Variants in RPL22 observed in about 807,000 individuals in gnomAD.
RPL22 encodes the protein ribosomal protein L22, also known as large ribosomal subunit protein eL22.
RPL22 carries 4 observed loss-of-function variants against 16.2 expected under a neutral mutation model. That is an observed-to-expected ratio of 0.25 (90% confidence interval 0.12 to 0.57). RPL22 has a LOEUF of 0.57. Ranked by LOEUF, RPL22 falls within the 20% of genes least tolerant of loss-of-function variation. The pLI, the probability that RPL22 is intolerant of heterozygous loss-of-function variation, is 0.92. For missense variants in RPL22, 83 were observed against 156.1 expected, an observed-to-expected ratio of 0.53 and a Z score of 2.49; for synonymous variants, 43 against 54.8, an observed-to-expected ratio of 0.78 and a Z score of 0.95.
chr1:6,189,086 T>G (rs941900951), intron 3 of RPL22, among the ~76,000 whole-genome samples: 1 of 152,062 alleles, frequency 6.6e-6, no homozygotes, highest in African/African-American at 2.4e-5. Context: ...GCGCTCAGCA[T>G]GGATCCCTGG....
rs962700975 is a variant in RPL22, at chr1:6,185,262, C to T, written c.*1410G>A. The T allele has an allele frequency of 3.3e-5, 13 of 398,738 alleles. No homozygotes were observed. Among genetic ancestry groups the T allele is most frequent in the African/African-American group, 2.3e-4 (11 of 48,622 alleles). 24.7% of individuals were successfully genotyped at this position (398,738 alleles called of 1,614,324 possible). On this transcript the variant is annotated 3_prime_UTR_variant, in exon 4 of 4. Transcript: ENST00000234875. ...CAATGCAACAAGTAGAATTTGTAAACTCAAGCCACAAACTTAGTTAATAAT... is the reference window on the plus strand; with the variant it reads ...CAATGCAACAAGTAGAATTTGTAAATTCAAGCCACAAACTTAGTTAATAAT...
intron 2 of RPL22, among the ~76,000 whole-genome samples, chr1:6,196,737 T>C (rs1667722465): frequency 6.6e-6 from 1 of 150,746 alleles, no homozygotes; most frequent in Admixed American, 6.6e-5. Context: ...TATTGGGGAA[T>C]GGGCCAAATA....
intron 3 of RPL22, among the ~76,000 whole-genome samples, chr1:6,189,254 A>ACC (rs1557572687): frequency 6.6e-6 from 1 of 152,222 alleles, no homozygotes; most frequent in African/African-American, 2.4e-5. Context: ...CAATCGCCAC[A>ACC]AAGTGTGAAG....
intron 3 of RPL22, 150 bp downstream of exon 3, chr1:6,192,780 G>T: frequency 1.1e-6 from 1 of 877,314 alleles, no homozygotes; most frequent in East Asian, 2.5e-5. Flanking sequence ...AACCATAATA[G>T]CATTCATCCA....
chr1:6,196,602 C>G lies in RPL22; in HGVS notation c.117+1050G>C, dbSNP rs115731358. Among the ~76,000 whole-genome samples the G allele has an allele frequency of 8.3e-3, 1,261 of 152,152 alleles. 21 individuals are homozygous for G. The highest frequency in any genetic ancestry group is 0.029 in the African/African-American group (1,199 of 41,492). ...TTTAGGAGACTTCTACACACAAATACGAAGTCTGAATCCCCCAAACATGGC... is the reference window on the plus strand; with the variant it reads ...TTTAGGAGACTTCTACACACAAATAGGAAGTCTGAATCCCCCAAACATGGC... On this transcript the variant is annotated intron_variant, in intron 2 of 3. Transcript: ENST00000234875.
intron 2 of RPL22, among the ~76,000 whole-genome samples, chr1:6,195,600 A>C (rs1667705866): frequency 6.6e-6 from 1 of 151,640 alleles, no homozygotes; most frequent in African/African-American, 2.4e-5. Context: ...AAAAATACAC[A>C]AATTAGGTGG....
At chr1:6,199,505 T>TCGGCC (rs1444545431) in intron 1 of RPL22, 57 bp downstream of exon 1, 2 of 1,544,478 alleles carry the variant, frequency 1.3e-6, no homozygotes, top group Admixed American at 4.0e-5. Context: ...GATGCCGGGC[T>TCGGCC]CGGCGAGGCC....
chr1:6,194,863 G>A (rs991493585), intron 2 of RPL22, among the ~76,000 whole-genome samples: 5 of 152,154 alleles, frequency 3.3e-5, no homozygotes, highest in Non-Finnish European at 7.3e-5. Context: ...CCTCCAGCCT[G>A]GACAACAGAC....
chr1:6,192,215 A>C (rs1299147351), intron 3 of RPL22, among the ~76,000 whole-genome samples: 3 of 152,090 alleles, frequency 2.0e-5, no homozygotes. Flanking sequence ...TGCCCAGCTA[A>C]TTTTAACTCT....
intron 2 of RPL22, among the ~76,000 whole-genome samples, chr1:6,196,651 G>T (rs1023022568): frequency 9.2e-5 from 14 of 152,068 alleles, no homozygotes; most frequent in Non-Finnish European, 1.9e-4. Flanking sequence ...AGAATAAAAT[G>T]TCAAAACCAA....
chr1:6,197,622 C>T (rs1474846305), intron 2 of RPL22, 30 bp downstream of exon 2: 1 of 1,449,394 alleles, frequency 6.9e-7, no homozygotes, highest in Non-Finnish European at 9.7e-7. Context: ...TGTTCGTGAC[C>T]ACCCGAGTGG....
intron 2 of RPL22, 60 bp from the exon 3 acceptor site, chr1:6,193,114 T>C (rs1667672757): frequency 2.5e-6 from 4 of 1,582,392 alleles, no homozygotes; most frequent in Non-Finnish European, 3.5e-6. Flanking sequence ...AACAGAATAT[T>C]TTATCTGTCT....
At chr1:6,196,748 C>T (rs989935205) in intron 2 of RPL22, among the ~76,000 whole-genome samples, 10 of 150,490 alleles carry the variant, frequency 6.6e-5, no homozygotes, top group African/African-American at 2.4e-4. Flanking sequence ...GGGCCAAATA[C>T]AGGGGCAAAA....
At chr1:6,191,438 C>T (rs1389537772) in intron 3 of RPL22, among the ~76,000 whole-genome samples, 21 of 139,818 alleles carry the variant, frequency 1.5e-4, no homozygotes, top group African/African-American at 5.5e-4. Flanking sequence ...GAGGCCGAGG[C>T]GGGCGGATCA....
chr1:6,186,909 T>C (rs1200945885), intron 3 of RPL22, 93 bp from the exon 4 acceptor site: 32 of 1,563,204 alleles, frequency 2.0e-5, no homozygotes, highest in Non-Finnish European at 2.8e-5. Flanking sequence ...TCAAAATCAT[T>C]ACAATTCAAG....
At chr1:6,190,107 C>A (rs1166733172) in intron 3 of RPL22, among the ~76,000 whole-genome samples, 1 of 152,134 alleles carries the variant, frequency 6.6e-6, no homozygotes, top group African/African-American at 2.4e-5. Context: ...ACGCAAGTGA[C>A]GCATGTCAGG....
chr1:6,193,102 T>C lies in RPL22; in HGVS notation c.118-48A>G, dbSNP rs144560570. ...CAATGAAGTGACAAGTTCATCTGTCTCAACAGAATATTTTATCTGTCTCCC... is the reference window on the plus strand; with the variant it reads ...CAATGAAGTGACAAGTTCATCTGTCCCAACAGAATATTTTATCTGTCTCCC... On this transcript the variant is annotated intron_variant, in intron 2 of 3. Coordinates refer to ENST00000234875, the MANE Select transcript of RPL22 (RefSeq NM_000983.4). The C allele has an allele frequency of 2.6e-4, 410 of 1,606,166 alleles. 4 individuals are homozygous for C. In the East Asian group the frequency reaches 8.7e-3, roughly 34 times the overall value.
chr1:6,199,318 C>T (rs922021465), intron 1 of RPL22: 10 of 1,116,782 alleles, frequency 9.0e-6, no homozygotes, highest in Middle Eastern at 3.3e-4. Flanking sequence ...TCCCCGCTAG[C>T]CCCTAGCTGG....
At chr1:6,195,235 G>A (rs1270518889) in intron 2 of RPL22, among the ~76,000 whole-genome samples, 1 of 151,834 alleles carries the variant, frequency 6.6e-6, no homozygotes, top group African/African-American at 2.4e-5. Flanking sequence ...CACAAAGGCA[G>A]GAGATTGAGA....
Sources: gnomAD v4.1 joint callset for allele counts (sites outside exome capture counted in the v4.1 genomes callset) on GRCh38, gnomAD v4.1.1 for gene constraint, MANE v1.5 for transcripts, NCBI Gene and HGNC (gene_info 2026-07-23, HGNC 2026-07-21) for gene names.